Variants in ABR observed in about 807,000 individuals in gnomAD.
The protein encoded by ABR is active breakpoint cluster region-related protein.
In ABR, 35 loss-of-function variants were observed where a neutral mutation model predicts 107.2. The ratio of observed to expected loss-of-function variants is 0.33; its 90% CI spans 0.25 to 0.43. The LOEUF (loss-of-function observed/expected upper bound fraction) is 0.43, where lower values mean the gene tolerates loss of function less well. Ranked by LOEUF, ABR falls within the 20% of genes least tolerant of loss-of-function variation. ABR has a pLI of 1.00. For synonymous variants in ABR, 498 were observed against 462.0 expected (o/e 1.08, Z -1.00); for missense variants, 815 against 1,115.2 (o/e 0.73, Z 3.83).
chr17:1,207,225 G>C (rs1434553849), intron 1 of ABR, among the ~76,000 whole-genome samples: 1 of 149,338 alleles, frequency 6.7e-6, no homozygotes, highest in Non-Finnish European at 1.5e-5. Flanking sequence ...TGGCACTCCA[G>C]CCTGGGCAAC....
At chr17:1,031,930 T>G in intron 16 of ABR, 5 of 855,246 alleles carry the variant, frequency 5.8e-6, no homozygotes, top group Admixed American at 7.9e-5. Context: ...CTCCTCCGCA[T>G]CCCTCCTTCC....
At chr17:1,073,490 A>G (rs986885612) in intron 7 of ABR, 135 bp downstream of exon 7, 3 of 676,732 alleles carry the variant, frequency 4.4e-6, no homozygotes, top group Non-Finnish European at 6.6e-6. Context: ...CGGGCCAGAC[A>G]GGCATCCTTG....
At chr17:1,115,951 G>A (rs867024409) in intron 2 of ABR, among the ~76,000 whole-genome samples, 1 of 125,154 alleles carries the variant, frequency 8.0e-6, no homozygotes, top group African/African-American at 3.1e-5. Flanking sequence ...CATAGGCTGG[G>A]CGAGGTGGCT....
In ABR at chr17:1,150,444, C is replaced by T. The variant is rs748701918; in HGVS notation, c.62-25077G>A. ...AAGAGGTGCTCAGAGCAGTCAGATTCGTCCAGACACAAAGAGGAGGGTGGT... is the reference window on the plus strand; with the variant it reads ...AAGAGGTGCTCAGAGCAGTCAGATTTGTCCAGACACAAAGAGGAGGGTGGT... On this transcript the variant is annotated intron_variant, in intron 1 of 22. Coordinates refer to ENST00000302538, the MANE Select transcript of ABR (RefSeq NM_021962.5). This position sits in a 1 kb window ranked among gnomAD's most constrained non-coding sequence, Gnocchi z 4.8. 6.6e-6 allele frequency among the ~76,000 whole-genome samples: 1 copy of T among 152,154 alleles called. No homozygotes were observed. Among genetic ancestry groups the T allele is most frequent in the Non-Finnish European group, 1.5e-5 (1 of 68,034 alleles).
intron 1 of ABR, among the ~76,000 whole-genome samples, chr17:1,133,207 T>C (rs2039921338): frequency 6.8e-6 from 1 of 147,506 alleles, no homozygotes; most frequent in East Asian, 2.0e-4. Context: ...ACAACATTGC[T>C]CTCCAGCCTT....
chr17:1,094,831 C>G (rs1188824586), intron 3 of ABR, among the ~76,000 whole-genome samples: 2 of 151,414 alleles, frequency 1.3e-5, no homozygotes, highest in East Asian at 3.9e-4. Context: ...CCTTGGAGAG[C>G]TGAGCAGGTG....
chr17:1,214,539 T>C (rs1160479427), intron 1 of ABR, among the ~76,000 whole-genome samples: 1 of 152,128 alleles, frequency 6.6e-6, no homozygotes, highest in Non-Finnish European at 1.5e-5. Context: ...CAGTGGCTCA[T>C]GCCTGTAATC....
intron 1 of ABR, among the ~76,000 whole-genome samples, chr17:1,149,432 T>TA (rs967241371): frequency 6.7e-6 from 1 of 149,144 alleles, no homozygotes; most frequent in Non-Finnish European, 1.5e-5. Flanking sequence ...TTAGTTTTTT[T>TA]TTTTTTTTTT....
At chr17:1,014,333 TG>T (rs2070946905) in intron 16 of ABR, among the ~76,000 whole-genome samples, 2 of 121,184 alleles carry the variant, frequency 1.7e-5, no homozygotes, top group South Asian at 6.2e-4. Context: ...CCCAGCTACT[TG>T]GGAGGCTGAG....
Position 1,070,238 on chromosome 17 carries a change from G to A in ABR, c.895-148C>T, listed in dbSNP as rs972231836. On this transcript the variant is annotated intron_variant, in intron 8 of 22. Coordinates refer to ENST00000302538, the MANE Select transcript of ABR (RefSeq NM_021962.5). The surrounding 1 kb of genome is among the most constrained non-coding windows in gnomAD (Gnocchi z 4.2). ...CTTAACCAAAGGTGGTTCAAGCACTGCCTTTGGAGTCACATGGGCATGGGT... is the reference window on the plus strand; with the variant it reads ...CTTAACCAAAGGTGGTTCAAGCACTACCTTTGGAGTCACATGGGCATGGGT... The A allele has an allele frequency of 1.9e-5, 20 of 1,052,654 alleles. No individual in the cohort carries two copies. In the Admixed American group the frequency reaches 4.8e-4, roughly 25 times the overall value. The allele number at this position is 1,052,654 out of a possible 1,614,324, so 65.2% of individuals were successfully genotyped here.
At chr17:1,153,286 T>C (rs1274014503) in intron 1 of ABR, among the ~76,000 whole-genome samples, 1 of 152,120 alleles carries the variant, frequency 6.6e-6, no homozygotes, top group Admixed American at 6.5e-5. Context: ...GCCCCCTGTG[T>C]CCCTCAGTCA....
At chr17:1,187,426 C>A (rs2042329072), upstream of ABR, 1 of 152,312 alleles carries the variant, frequency 6.6e-6, no homozygotes, top group African/African-American at 2.4e-5. Context: ...AGCCAAGCGG[C>A]CCGCAAGTGC....
At chr17:1,069,373 G>T (rs887621380) in intron 9 of ABR, among the ~76,000 whole-genome samples, 1 of 152,136 alleles carries the variant, frequency 6.6e-6, no homozygotes, top group African/African-American at 2.4e-5. Context: ...TTTTTAAAAG[G>T]AAAAAACCGG....
intron 5 of ABR, among the ~76,000 whole-genome samples, chr17:1,080,488 G>C (rs901512390): frequency 6.6e-6 from 1 of 152,188 alleles, no homozygotes; most frequent in Non-Finnish European, 1.5e-5. Context: ...AGCACACGGA[G>C]CCTCAAAGAG....
At chr17:1,063,041 C>CACT (rs2034227091) in intron 10 of ABR, among the ~76,000 whole-genome samples, 1 of 128,212 alleles carries the variant, frequency 7.8e-6, no homozygotes, top group Non-Finnish European at 1.7e-5. Context: ...TTCCTCTAGA[C>CACT]GCTGTTGTTA....
chr17:1,168,943 C>T (rs974333467), intron 1 of ABR, among the ~76,000 whole-genome samples: 5 of 152,232 alleles, frequency 3.3e-5, no homozygotes, highest in South Asian at 2.1e-4. Flanking sequence ...GGAGCTGCCA[C>T]GGGGTCTGCA....
intron 16 of ABR, among the ~76,000 whole-genome samples, chr17:1,024,752 C>T (rs1225773395): frequency 6.9e-6 from 1 of 144,260 alleles, no homozygotes; most frequent in Non-Finnish European, 1.5e-5. Flanking sequence ...TGCCACTGCA[C>T]TCCAGCCTGG....
At chr17:1,194,250 C>T (rs975923897) in intron 1 of ABR, among the ~76,000 whole-genome samples, 5 of 151,696 alleles carry the variant, frequency 3.3e-5, no homozygotes, top group African/African-American at 1.2e-4. Flanking sequence ...TGCAATGGCA[C>T]GATCTTGGCT....
At chr17:1,149,759 C>T (rs908075213) in intron 1 of ABR, among the ~76,000 whole-genome samples, 10 of 152,086 alleles carry the variant, frequency 6.6e-5, no homozygotes, top group African/African-American at 1.7e-4. Flanking sequence ...TGGCACAAGA[C>T]GAGCTCAGCT....
Sources: allele counts gnomAD v4.1 joint callset (sites outside exome capture counted in the v4.1 genomes callset), GRCh38; gene constraint gnomAD v4.1.1; non-coding constraint Gnocchi (gnomAD v3.1); transcripts MANE v1.5; gene names NCBI Gene and HGNC (gene_info 2026-07-23, HGNC 2026-07-21).